STK32B: variants seen among roughly 807,000 people sequenced by gnomAD.
STK32B encodes the protein serine/threonine-protein kinase 32B.
Under a neutral mutation model 52.6 loss-of-function variants are expected in STK32B, and 43 were observed. The ratio of observed to expected loss-of-function variants is 0.82; its 90% CI spans 0.64 to 1.05. STK32B has a LOEUF of 1.05. STK32B is among the 50% of genes least tolerant of loss of function. The probability of loss-of-function intolerance (pLI) is 0.00; values close to 1 mark genes in which losing one functional copy is unlikely to be tolerated. For missense variants in STK32B, 621 were observed against 534.6 expected, an observed-to-expected ratio of 1.16 and a Z score of -1.59; for synonymous variants, 238 against 204.3, an observed-to-expected ratio of 1.17 and a Z score of -1.41.
intron 3 of STK32B, among the ~76,000 whole-genome samples, chr4:5,253,245 A>G (rs889911436): frequency 6.6e-6 from 1 of 152,128 alleles, no homozygotes; most frequent in Non-Finnish European, 1.5e-5. Context: ...CTGCTTGAAG[A>G]AAGCCTACCT....
intron 2 of STK32B, among the ~76,000 whole-genome samples, chr4:5,151,494 A>T (rs1717359953): frequency 6.6e-6 from 1 of 152,374 alleles, no homozygotes; most frequent in East Asian, 1.9e-4. Flanking sequence ...ATCAGGAAAG[A>T]ACACATGTGA....
intron 1 of STK32B, among the ~76,000 whole-genome samples, chr4:5,060,418 T>C (rs1477012081): frequency 6.6e-6 from 1 of 152,210 alleles, no homozygotes; most frequent in East Asian, 1.9e-4. Context: ...TCTTTTTTGA[T>C]TGGCCTTTCT....
chr4:5,282,968 C>T (rs1728305093), intron 3 of STK32B, among the ~76,000 whole-genome samples: 1 of 152,138 alleles, frequency 6.6e-6, no homozygotes, highest in Admixed American at 6.6e-5. Context: ...CTACAGTATA[C>T]AATACATTAT....
At chr4:5,031,478 G>A in the STK32B span, among the ~76,000 whole-genome samples, 12 of 152,122 alleles carry the variant, frequency 7.9e-5, no homozygotes, top group East Asian at 2.3e-3. Flanking sequence ...ATGTGCCTGT[G>A]GTCCTAGCTA....
chr4:5,432,479 G>C (rs181950340), intron 6 of STK32B: 1 of 152,300 alleles, frequency 6.6e-6, no homozygotes, highest in Admixed American at 6.5e-5. Context: ...GGTAAGATGG[G>C]AAACAGGAAT....
intron 11 of STK32B, among the ~76,000 whole-genome samples, chr4:5,494,731 G>A (rs964930024): frequency 1.3e-5 from 2 of 151,646 alleles, no homozygotes; most frequent in African/African-American, 2.4e-5. Flanking sequence ...TCCTTTCCAT[G>A]TTTAGTGCTT....
chr4:5,202,268 G>A (rs1045289477), intron 3 of STK32B, among the ~76,000 whole-genome samples: 10 of 152,242 alleles, frequency 6.6e-5, no homozygotes, highest in African/African-American at 2.4e-4. Flanking sequence ...TTCACTCTGT[G>A]TCTCACATCC....
chr4:5,153,388 G>A (rs1200022807), intron 2 of STK32B, among the ~76,000 whole-genome samples: 2 of 151,812 alleles, frequency 1.3e-5, no homozygotes, highest in African/African-American at 4.8e-5. Flanking sequence ...TGGACTTTAG[G>A]TTCTTATGTG....
chr4:5,407,945 G>C (rs1398097654), intron 5 of STK32B, among the ~76,000 whole-genome samples: 1 of 152,026 alleles, frequency 6.6e-6, no homozygotes, highest in African/African-American at 2.4e-5. Flanking sequence ...CTTATTAAAG[G>C]GACCCCAGAA....
rs1021775570 is a variant in STK32B at position 5,210,476 on chromosome 4, G to A, written c.260+42026G>A. Among the ~76,000 whole-genome samples the A allele has an allele frequency of 3.3e-5, 5 of 152,026 alleles. No homozygotes were observed. The East Asian group carries it at 9.7e-4, about 29-fold the overall frequency. On this transcript the variant is annotated intron_variant, in intron 3 of 11. Transcript: ENST00000282908. Reference sequence around the variant, plus strand: ...GTATCACAGATAATTCATTTTCCTTGAAGACTTTTCTTGTCCTGCCCTCAC... The same window carrying A: ...GTATCACAGATAATTCATTTTCCTTAAAGACTTTTCTTGTCCTGCCCTCAC...
Position 5,141,978 on chromosome 4 carries a change from G to A in STK32B, c.108+2018G>A, listed in dbSNP as rs148794028. 6.8e-3 allele frequency among the ~76,000 whole-genome samples: 1,032 copies of A among 152,256 alleles called. 13 individuals are homozygous for A. Among genetic ancestry groups the A allele is most frequent in the African/African-American group, 0.021 (889 of 41,544 alleles). ...CCCCTGGAACCTCCCCAACCAACCC[G>A]TTTTATTGGCTATAATTGGTCACAT... is the stretch of plus-strand genomic sequence containing the variant. On this transcript the variant is annotated intron_variant, in intron 2 of 11. Coordinates refer to ENST00000282908, the MANE Select transcript of STK32B (RefSeq NM_018401.3).
chr4:5,061,652 T>C (rs1291664954), intron 1 of STK32B, among the ~76,000 whole-genome samples: 1 of 152,268 alleles, frequency 6.6e-6, no homozygotes, highest in African/African-American at 2.4e-5. Context: ...ATAGGAATCA[T>C]GCTTCATCTT....
chr4:5,190,993 A>C (rs529980400), intron 3 of STK32B, among the ~76,000 whole-genome samples: 2 of 152,166 alleles, frequency 1.3e-5, no homozygotes, highest in South Asian at 4.1e-4. Context: ...TTTCTTCCTG[A>C]TGCAATCAAA....
At chr4:5,495,848 C>A (rs1240871436) in intron 11 of STK32B, among the ~76,000 whole-genome samples, 1 of 152,188 alleles carries the variant, frequency 6.6e-6, no homozygotes, top group African/African-American at 2.4e-5. Flanking sequence ...CCACTCCAGA[C>A]CCTGTTTGCC....
chr4:5,366,272 G>A (rs1305136191), intron 4 of STK32B, among the ~76,000 whole-genome samples: 1 of 152,232 alleles, frequency 6.6e-6, no homozygotes, highest in Non-Finnish European at 1.5e-5. Flanking sequence ...AAGGGAAAGA[G>A]TGCTGAGACT....
At position 5,466,704 on chromosome 4, in the gene STK32B, A is replaced by T. The variant is rs754519901; in HGVS notation, c.911A>T (p.Lys304Ile). The change falls in exon 10 of 12, where the codon AAA (lysine) becomes ATA (isoleucine). Residue 304 changes from lysine to isoleucine, a missense_variant and splice_region_variant. Transcript: ENST00000282908. Reference protein sequence around the residue: ...KALMPGFVPNKGRLNCDPTFE... With the variant: ...KALMPGFVPNIGRLNCDPTFE... ...GTTTTCTTTTCTACTCCCCTTTAGA[A>T]AGGGAGGTTGAACTGCGATCCCACA... The T allele has an allele frequency of 3.1e-6, 5 of 1,612,154 alleles. No homozygotes were observed. The African/African-American group carries it at 6.7e-5, about 22-fold the overall frequency.
intron 5 of STK32B, among the ~76,000 whole-genome samples, chr4:5,403,568 A>T (rs758581999): frequency 6.6e-6 from 1 of 152,196 alleles, no homozygotes; most frequent in African/African-American, 2.4e-5. Context: ...CACATTTTCT[A>T]TTAATACACT....
chr4:5,411,695 T>C (rs960450988), intron 5 of STK32B, among the ~76,000 whole-genome samples: 1 of 152,168 alleles, frequency 6.6e-6, no homozygotes, highest in Non-Finnish European at 1.5e-5. Context: ...CTGTAACTTA[T>C]TTGATTAAGT....
chr4:5,260,052 G>A (rs964485988), intron 3 of STK32B, among the ~76,000 whole-genome samples: 1 of 151,124 alleles, frequency 6.6e-6, no homozygotes, highest in Non-Finnish European at 1.5e-5. Context: ...CCTCCAATGT[G>A]GAAACCATAT....
Sources: gnomAD v4.1 joint callset for allele counts (sites outside exome capture counted in the v4.1 genomes callset) on GRCh38, gnomAD v4.1.1 for gene constraint, MANE v1.5 for transcripts, NCBI Gene and HGNC (gene_info 2026-07-23, HGNC 2026-07-21) for gene names.